The following RASAL2 variants were observed in gnomAD, a reference collection of about 807,000 sequenced individuals.
RASAL2 encodes the protein ras GTPase-activating protein nGAP.
RASAL2 carries 58 observed loss-of-function variants against 128.9 expected under a neutral mutation model. The observed-to-expected ratio is 0.45, with a 90% confidence interval of 0.36 to 0.56. The LOEUF (loss-of-function observed/expected upper bound fraction) is 0.56, where lower values mean the gene tolerates loss of function less well. RASAL2 is among the 20% of genes least tolerant of loss of function. The pLI is 0.00. For missense variants in RASAL2, 1,360 were observed against 1,601.6 expected (o/e 0.85, Z 2.57); for synonymous variants, 561 against 580.8 (o/e 0.97, Z 0.49).
intron 3 of RASAL2, among the ~76,000 whole-genome samples, chr1:178,325,565 A>G (rs1292778112): frequency 6.6e-6 from 1 of 152,238 alleles, no homozygotes; most frequent in Non-Finnish European, 1.5e-5. Context: ...AAGAGAAAAA[A>G]ATACATTTAA....
At position 178,473,406 on chromosome 1, in the gene RASAL2, C is replaced by T. The variant is rs928980711; in HGVS notation, c.*167C>T. 2.2e-4 allele frequency: 185 copies of T among 822,870 alleles called. No homozygotes were observed. Among genetic ancestry groups the T allele is most frequent in the African/African-American group, 2.2e-3 (125 of 57,888 alleles). 51.0% of individuals were successfully genotyped at this position (822,870 alleles called of 1,614,324 possible). On this transcript the variant is annotated 3_prime_UTR_variant, in exon 18 of 18. Transcript: ENST00000367649. Reference sequence around the variant, plus strand: ...CCTTGTCTTTCAGGGCATAAGGCGGCGACTTCCAAGGTCAATGCTTTTCCC... The same window carrying T: ...CCTTGTCTTTCAGGGCATAAGGCGGTGACTTCCAAGGTCAATGCTTTTCCC...
At chr1:178,282,249 A>C (rs1284277026) in intron 1 of RASAL2, among the ~76,000 whole-genome samples, 3 of 152,192 alleles carry the variant, frequency 2.0e-5, no homozygotes, top group Non-Finnish European at 2.9e-5. Flanking sequence ...GAGTTGATAA[A>C]CCCCCAAACA....
At chr1:178,220,829 A>T (rs1663588904) in intron 1 of RASAL2, among the ~76,000 whole-genome samples, 1 of 152,194 alleles carries the variant, frequency 6.6e-6, no homozygotes, top group Admixed American at 6.5e-5. Flanking sequence ...CTACTGAAAG[A>T]CATGTTGGTT....
chr1:178,151,935 T>C (rs1660927883), intron 1 of RASAL2, among the ~76,000 whole-genome samples: 1 of 152,214 alleles, frequency 6.6e-6, no homozygotes, highest in African/African-American at 2.4e-5. Context: ...GTAAATTTTA[T>C]GTTTGGTCTT....
At chr1:178,324,210 A>G (rs1668922777) in intron 3 of RASAL2, among the ~76,000 whole-genome samples, 1 of 152,182 alleles carries the variant, frequency 6.6e-6, no homozygotes. Flanking sequence ...CCAGTGAGAT[A>G]ATAGACTAGG....
intron 3 of RASAL2, among the ~76,000 whole-genome samples, chr1:178,322,285 A>G (rs764423858): frequency 8.6e-5 from 13 of 151,714 alleles, no homozygotes; most frequent in Non-Finnish European, 1.9e-4. Context: ...AATATTTCCC[A>G]CTTTTTAAAT....
At position 178,466,003 on chromosome 1, in the gene RASAL2, G is replaced by A. The variant is rs770297062; in HGVS notation, c.3471G>A (p.Val1157=). The A allele has an allele frequency of 6.4e-7, 1 of 1,564,530 alleles. No homozygotes were observed. The highest frequency in any genetic ancestry group is 8.7e-7 in the Non-Finnish European group (1 of 1,153,292). ...RLEEYERRLL[V]QEQQMQKLLL... ...AGGAATATGAACGCCGCTTGCTGGTGCAGGAGCAGCAGATGCAGAAGCTGC... is the reference window on the plus strand; with the variant it reads ...AGGAATATGAACGCCGCTTGCTGGTACAGGAGCAGCAGATGCAGAAGCTGC... The change falls in exon 16 of 18, where the codon GTG becomes GTA. Residue 1157 remains valine, a synonymous_variant. Coordinates refer to ENST00000367649, the MANE Select transcript of RASAL2 (RefSeq NM_170692.4).
intron 3 of RASAL2, among the ~76,000 whole-genome samples, chr1:178,365,462 T>C (rs1671348973): frequency 6.6e-6 from 1 of 151,738 alleles, no homozygotes; most frequent in African/African-American, 2.4e-5. Context: ...TTATGTTATG[T>C]TATGTTATGT....
chr1:178,282,337 A>G (rs61813812), intron 1 of RASAL2, among the ~76,000 whole-genome samples: 315 of 152,274 alleles, frequency 2.1e-3, no homozygotes, highest in Non-Finnish European at 3.5e-3. Context: ...TTGAACACAT[A>G]AAGGGATTTA....
chr1:178,209,866 C>T (rs186433144), intron 1 of RASAL2, among the ~76,000 whole-genome samples: 1 of 152,126 alleles, frequency 6.6e-6, no homozygotes, highest in East Asian at 1.9e-4. Flanking sequence ...TTTCTTACTT[C>T]ATCTCCATTT....
chr1:178,095,904 C>G (rs908324188), intron 1 of RASAL2, among the ~76,000 whole-genome samples: 4 of 152,132 alleles, frequency 2.6e-5, no homozygotes, highest in African/African-American at 7.2e-5. Context: ...TAAATCATCA[C>G]TAGTGACCCT....
intron 3 of RASAL2, chr1:178,389,367 T>C: frequency 1.2e-5 from 7 of 578,520 alleles, no homozygotes; most frequent in Non-Finnish European, 1.5e-5. Context: ...TATATACACA[T>C]GTATATATAT....
At position 178,380,178 on chromosome 1, in the gene RASAL2, C is replaced by T. The variant is rs149585240; in HGVS notation, c.458-9922C>T. Among the ~76,000 whole-genome samples the T allele has an allele frequency of 1.4e-4, 22 of 152,280 alleles. 2 individuals carry two copies. The East Asian group carries it at 4.3e-3, about 29-fold the overall frequency. On this transcript the variant is annotated intron_variant, in intron 3 of 17. Coordinates refer to ENST00000367649, the MANE Select transcript of RASAL2 (RefSeq NM_170692.4). ...TGCTGGGATTACAGGCGTGAGTCAC[C>T]GTGCCCCGCCAATTTGTGACCTTTT...
At chr1:178,321,455 A>C (rs771559513) in intron 3 of RASAL2, among the ~76,000 whole-genome samples, 4 of 151,832 alleles carry the variant, frequency 2.6e-5, no homozygotes, top group Non-Finnish European at 4.4e-5. Context: ...ATTACCCCCA[A>C]CTATCAGAGA....
chr1:178,266,073 A>C (rs1665932839), intron 1 of RASAL2, among the ~76,000 whole-genome samples: 1 of 152,144 alleles, frequency 6.6e-6, no homozygotes, highest in Non-Finnish European at 1.5e-5. Flanking sequence ...ATGTTCTTAT[A>C]CATGTCTTTT....
intron 3 of RASAL2, among the ~76,000 whole-genome samples, chr1:178,365,992 A>G (rs1457684291): frequency 2.0e-5 from 3 of 152,138 alleles, no homozygotes; most frequent in South Asian, 4.1e-4. Flanking sequence ...TTTTTATGAT[A>G]TTGAAATATA....
Position 178,458,427 on chromosome 1 carries a change from C to T in RASAL2, c.3135C>T (p.Ser1045=), listed in dbSNP as rs371594678. ...GCACCGGGAGCATGTCAGTGGTGTC[C>T]GCAGCCCTGGTGGCCGAACCTGTGC... ...LRSTGSMSVV[S]AALVAEPVQN... is the part of the protein sequence containing the mutation. The change falls in exon 14 of 18, where the codon TCC becomes TCT. Residue 1045 remains serine, a synonymous_variant. Coordinates refer to ENST00000367649, the MANE Select transcript of RASAL2 (RefSeq NM_170692.4). 21 of 1,614,062 alleles carry T rather than the reference C, an allele frequency of 1.3e-5. No individual in the cohort carries two copies. Among genetic ancestry groups the T allele is most frequent in the Middle Eastern group, 1.6e-4 (1 of 6,082 alleles).
At chr1:178,282,619 T>C (rs1453201576) in intron 1 of RASAL2, among the ~76,000 whole-genome samples, 1 of 152,206 alleles carries the variant, frequency 6.6e-6, no homozygotes, top group Non-Finnish European at 1.5e-5. Flanking sequence ...ACAACTCCCC[T>C]GCCCTCATGG....
intron 3 of RASAL2, among the ~76,000 whole-genome samples, chr1:178,361,498 G>A: frequency 6.6e-6 from 1 of 151,350 alleles, no homozygotes; most frequent in East Asian, 1.9e-4. Flanking sequence ...TTTTTTAATT[G>A]AACAGTTGGC....
Sources: gnomAD v4.1 joint callset for allele counts (sites outside exome capture counted in the v4.1 genomes callset) on GRCh38, gnomAD v4.1.1 for gene constraint, MANE v1.5 for transcripts, NCBI Gene and HGNC (gene_info 2026-07-23, HGNC 2026-07-21) for gene names.